Variants in LRP1B observed in about 807,000 individuals in gnomAD.
The protein encoded by LRP1B is LDL receptor related protein 1B.
In LRP1B, 217 loss-of-function variants were observed where a neutral mutation model predicts 556.6. That is an observed-to-expected ratio of 0.39 (90% CI 0.35 to 0.44). The LOEUF is 0.44. Among genes scored for constraint, LRP1B ranks in the 20% least tolerant of loss-of-function variants. The pLI is 1.00. For missense variants in LRP1B, 5,053 were observed against 5,620.8 expected, an observed-to-expected ratio of 0.90 and a Z score of 3.23; for synonymous variants, 2,047 against 1,865.8, an observed-to-expected ratio of 1.10 and a Z score of -2.50.
chr2:141,179,248 A>G (rs978315087), intron 7 of LRP1B, among the ~76,000 whole-genome samples: 1 of 152,050 alleles, frequency 6.6e-6, no homozygotes, highest in Non-Finnish European at 1.5e-5. Context: ...GATTGAATTT[A>G]TGAGACTAAT....
At chr2:141,792,282 A>G (rs1412511049) in intron 2 of LRP1B, among the ~76,000 whole-genome samples, 3 of 152,016 alleles carry the variant, frequency 2.0e-5, no homozygotes, top group Non-Finnish European at 4.4e-5. Flanking sequence ...GTACAGAGCC[A>G]TTGATCTCAG....
intron 3 of LRP1B, among the ~76,000 whole-genome samples, chr2:141,316,752 C>T (rs1055455585): frequency 1.3e-5 from 2 of 152,178 alleles, no homozygotes; most frequent in African/African-American, 4.8e-5. Flanking sequence ...TTAAGTTGAC[C>T]ATCTTTTGAT....
chr2:140,546,183 G>T (rs992176579), intron 43 of LRP1B, among the ~76,000 whole-genome samples: 3 of 151,962 alleles, frequency 2.0e-5, no homozygotes, highest in Non-Finnish European at 4.4e-5. Flanking sequence ...AAGCTTTTGG[G>T]CTGAGACTAT....
At position 140,541,922 on chromosome 2, in the gene LRP1B, T is replaced by C; in HGVS notation, c.7244A>G (p.Asp2415Gly). 4 of 1,610,826 alleles carry C rather than the reference T, an allele frequency of 2.5e-6. No homozygotes were observed. The highest frequency in any genetic ancestry group is 1.1e-5 in the South Asian group (1 of 90,672). Reference sequence around the variant, plus strand: ...CCAGTCCGACCAGAATATATAATTGTCATAAACAGCCAAACTGAGGAAAGT... The same window carrying C: ...CCAGTCCGACCAGAATATATAATTGCCATAAACAGCCAAACTGAGGAAAGT... Reference protein sequence around the residue: ...PGTFLSLAVYDNYIFWSDWGR... With the variant: ...PGTFLSLAVYGNYIFWSDWGR... The change falls in exon 44 of 91, where the codon GAC (aspartate) becomes GGC (glycine). Residue 2415 changes from aspartate to glycine, a missense_variant. This residue lies in a region of LRP1B where 3,619 missense variants were observed against 3,931.9 expected (regional missense o/e 0.92). Coordinates refer to ENST00000389484, the MANE Select transcript of LRP1B (RefSeq NM_018557.3).
At chr2:141,159,996 G>A (rs1205928904) in intron 7 of LRP1B, among the ~76,000 whole-genome samples, 1 of 152,008 alleles carries the variant, frequency 6.6e-6, no homozygotes, top group Non-Finnish European at 1.5e-5. Context: ...CTGTTGAGGG[G>A]TGGGAGGTGA....
At position 141,212,101 on chromosome 2, in the gene LRP1B, A is replaced by G. The variant is rs143144968; in HGVS notation, c.850+17082T>C. Among the ~76,000 whole-genome samples, 82 of 152,260 alleles carry G rather than the reference A, an allele frequency of 5.4e-4. No homozygotes were observed. The South Asian group carries it at 5.8e-3, about 11-fold the overall frequency. ...TTAATTAAAAAAGTAAAGTATTTTG[A>G]GAATAAGGAGTTATAATATCCTTAT... On this transcript the variant is annotated intron_variant, in intron 6 of 90. Coordinates refer to ENST00000389484, the MANE Select transcript of LRP1B (RefSeq NM_018557.3).
intron 7 of LRP1B, among the ~76,000 whole-genome samples, chr2:141,074,595 A>G (rs529618061): frequency 1.9e-5 from 2 of 106,472 alleles, no homozygotes; most frequent in Non-Finnish European, 4.0e-5. Flanking sequence ...CTCTCTATAT[A>G]TATATATATA....
intron 2 of LRP1B, among the ~76,000 whole-genome samples, chr2:141,711,358 GTTAGA>G (rs1319139362): frequency 6.6e-6 from 1 of 152,178 alleles, no homozygotes; most frequent in Non-Finnish European, 1.5e-5. Context: ...GAAATCTGTA[GTTAGA>G]TTAGTTTGGC....
At chr2:140,238,872 A>C (rs1276312917) in intron 88 of LRP1B, among the ~76,000 whole-genome samples, 1 of 150,798 alleles carries the variant, frequency 6.6e-6, no homozygotes, top group African/African-American at 2.4e-5. Flanking sequence ...TTATCACCCT[A>C]CACTCTATGT....
intron 1 of LRP1B, among the ~76,000 whole-genome samples, chr2:141,836,040 C>T (rs981277492): frequency 1.3e-5 from 2 of 151,842 alleles, no homozygotes; most frequent in Non-Finnish European, 2.9e-5. Context: ...TTCTTCAGGA[C>T]ACATATAAAC....
At chr2:141,977,215 T>C (rs1046513251) in intron 1 of LRP1B, among the ~76,000 whole-genome samples, 1 of 152,146 alleles carries the variant, frequency 6.6e-6, no homozygotes, top group African/African-American at 2.4e-5. Flanking sequence ...TATCTTATTA[T>C]CCAGTAAGCT....
intron 66 of LRP1B, among the ~76,000 whole-genome samples, chr2:140,424,602 T>C (rs1482278782): frequency 1.3e-5 from 2 of 152,230 alleles, no homozygotes; most frequent in Non-Finnish European, 2.9e-5. Flanking sequence ...AATCTTGGAA[T>C]GTTGCAGGGA....
Position 140,504,674 on chromosome 2 carries a change from A to G in LRP1B, c.8522-1571T>C, listed in dbSNP as rs113510263. ...TTAACCCTTAACCTCTTGTATCCCAACATTCATTAACAGCAGCACCAATCA... is the reference window on the plus strand; with the variant it reads ...TTAACCCTTAACCTCTTGTATCCCAGCATTCATTAACAGCAGCACCAATCA... On this transcript the variant is annotated intron_variant, in intron 53 of 90. Transcript: ENST00000389484. 3.3e-3 allele frequency among the ~76,000 whole-genome samples: 495 copies of G among 152,232 alleles called. 5 individuals carry two copies. Among genetic ancestry groups the G allele is most frequent in the African/African-American group, 0.011 (458 of 41,534 alleles).
chr2:140,514,365 A>C (rs947013060), intron 51 of LRP1B, among the ~76,000 whole-genome samples: 2 of 151,912 alleles, frequency 1.3e-5, no homozygotes, highest in Non-Finnish European at 2.9e-5. Context: ...CTGTAATCTC[A>C]ATCATTGATA....
At chr2:141,737,185 C>G (rs1408550744) in intron 2 of LRP1B, among the ~76,000 whole-genome samples, 2 of 152,152 alleles carry the variant, frequency 1.3e-5, no homozygotes, top group Admixed American at 1.3e-4. Flanking sequence ...AACCCTGTCT[C>G]TACTAAAAAC....
intron 2 of LRP1B, among the ~76,000 whole-genome samples, chr2:141,768,574 G>C (rs938194312): frequency 1.3e-5 from 2 of 152,084 alleles, no homozygotes; most frequent in Non-Finnish European, 2.9e-5. Flanking sequence ...TTACCATTTT[G>C]CATCCACTGA....
Position 140,780,457 on chromosome 2 carries a change from G to A in LRP1B, c.5360-4219C>T, listed in dbSNP as rs191688153. ...CTCCTAGGCCAAAGCCCCTCACCAT[G>A]GGGACATGGGTGATTGAGTGAGGCT... On this transcript the variant is annotated intron_variant, in intron 32 of 90. Coordinates refer to ENST00000389484, the MANE Select transcript of LRP1B (RefSeq NM_018557.3). Among the ~76,000 whole-genome samples the A allele has an allele frequency of 2.9e-3, 446 of 152,240 alleles. 1 individual carries two copies. Among genetic ancestry groups the A allele is most frequent in the Non-Finnish European group, 5.0e-3 (337 of 68,008 alleles).
intron 32 of LRP1B, among the ~76,000 whole-genome samples, chr2:140,788,788 TCCTCAGTG>T (rs1690002322): frequency 6.6e-6 from 1 of 152,190 alleles, no homozygotes; most frequent in African/African-American, 2.4e-5. Context: ...TGAAGCTCTA[TCCTCAGTG>T]TGACTGTATT....
chr2:140,289,702 C>G (rs976947808), intron 84 of LRP1B, among the ~76,000 whole-genome samples: 1 of 151,244 alleles, frequency 6.6e-6, no homozygotes, highest in Non-Finnish European at 1.5e-5. Flanking sequence ...ATTTTTACAA[C>G]CCTGACAATT....
Sources: allele counts gnomAD v4.1 joint callset (sites outside exome capture counted in the v4.1 genomes callset), GRCh38; gene constraint gnomAD v4.1.1; regional missense constraint gnomAD v4.1.1; transcripts MANE v1.5; gene names NCBI Gene and HGNC (gene_info 2026-07-23, HGNC 2026-07-21).